The following PRR14L variants were observed in gnomAD, a reference collection of about 807,000 sequenced individuals.
PRR14L encodes protein PRR14L.
A neutral mutation model predicts 155.0 loss-of-function variants in PRR14L; 80 were observed. The observed-to-expected ratio is 0.52, with a 90% CI of 0.43 to 0.62. The LOEUF is 0.62. Ranked by LOEUF, PRR14L falls within the 20% of genes least tolerant of loss-of-function variation. The pLI, the probability that PRR14L is intolerant of heterozygous loss-of-function variation, is 0.00. For synonymous variants in PRR14L, 883 were observed against 916.0 expected (o/e 0.96, Z 0.65); for missense variants, 2,469 against 2,548.0 (o/e 0.97, Z 0.67).
intron 1 of PRR14L, among the ~76,000 whole-genome samples, chr22:31,745,430 C>T (rs2074832595): frequency 6.6e-6 from 1 of 152,134 alleles, no homozygotes; most frequent in Non-Finnish European, 1.5e-5. Flanking sequence ...CAGTAGCTCA[C>T]ACCATCTATC....
At chr22:31,743,693 T>C (rs898730630) in intron 1 of PRR14L, among the ~76,000 whole-genome samples, 2 of 151,624 alleles carry the variant, frequency 1.3e-5, no homozygotes, top group African/African-American at 2.4e-5. Context: ...TCCCAGCTAC[T>C]TGGGAGGCTG....
intron 1 of PRR14L, among the ~76,000 whole-genome samples, chr22:31,748,682 T>C (rs566187071): frequency 9.8e-4 from 150 of 152,304 alleles, no homozygotes; most frequent in African/African-American, 3.5e-3. Flanking sequence ...GGAAGATTTT[T>C]TGTCACTACA....
intron 2 of PRR14L, 47 bp from the exon 3 acceptor site, chr22:31,725,657 A>G (rs1352896580): frequency 1.9e-6 from 2 of 1,065,908 alleles, no homozygotes; most frequent in Admixed American, 4.6e-5. Context: ...GAAGATTCTG[A>G]GTTAATGAAT....
chr22:31,739,915 T>A (rs2074803372), intron 1 of PRR14L, among the ~76,000 whole-genome samples: 1 of 152,100 alleles, frequency 6.6e-6, no homozygotes, highest in Admixed American at 6.6e-5. Context: ...AAACATGCAG[T>A]TTCCACAACA....
rs1284892070 is a variant in PRR14L at position 31,684,402 on chromosome 22, A to C, written c.*1125T>G. ...TGAAGCGGGCTGCCTGGAAAGCCAC[A>C]AATACTGTGGGTCAGCCTGTATCAC... On this transcript the variant is annotated 3_prime_UTR_variant, in exon 9 of 9. Transcript: ENST00000327423. 6.6e-6 allele frequency: 1 copy of C among 152,242 alleles called. No homozygotes were observed. The highest frequency in any genetic ancestry group is 1.9e-4 in the East Asian group (1 of 5,202). 9.4% of individuals were successfully genotyped at this position (152,242 alleles called of 1,614,324 possible). A position where few individuals can be genotyped will look rare whatever the true frequency, so the allele number is the denominator to read the frequency against.
chr22:31,733,907 CA>C (rs1484448398), intron 2 of PRR14L, among the ~76,000 whole-genome samples: 1 of 150,496 alleles, frequency 6.6e-6, no homozygotes, highest in African/African-American at 2.4e-5. Context: ...ACCACCACCA[CA>C]CACACACACA....
chr22:31,701,710 G>T lies in PRR14L; in HGVS notation c.6053C>A (p.Thr2018Asn). ...AAGATTAGGATCTGGCCTAGGAATG[G>T]TTTTCCGGATGCGAATCTGTGAGAC... is the stretch of plus-strand genomic sequence containing the variant. ...KKVSQIRIRKTIPRPDPNLTP... is the reference protein window; with the variant it reads ...KKVSQIRIRKNIPRPDPNLTP... The change falls in exon 7 of 9, where the codon ACC (threonine) becomes AAC (asparagine). Residue 2018 changes from threonine to asparagine, a missense_variant. This residue lies in a region of PRR14L where 106 missense variants were observed against 176.4 expected (regional missense o/e 0.60). Transcript: ENST00000327423. 5 of 1,614,170 alleles carry T rather than the reference G, an allele frequency of 3.1e-6. No homozygotes were observed. Among genetic ancestry groups the T allele is most frequent in the Non-Finnish European group, 4.2e-6 (5 of 1,180,006 alleles).
chr22:31,728,327 C>T (rs140207667), intron 2 of PRR14L, among the ~76,000 whole-genome samples: 190 of 151,954 alleles, frequency 1.3e-3, no homozygotes, highest in African/African-American at 4.4e-3. Flanking sequence ...GTTAAGAGTC[C>T]TAGGGCCGGG....
In PRR14L at chr22:31,716,242, T is replaced by C; in HGVS notation, c.1597A>G (p.Ser533Gly). ...CAGTCTTTAGTGTAAAAAGATTTACTTAATATATTGGGCTCTACAGGGGTT... is the reference window on the plus strand; with the variant it reads ...CAGTCTTTAGTGTAAAAAGATTTACCTAATATATTGGGCTCTACAGGGGTT... ...QTTPVEPNIL[S>G]KSFYTKDCNS... is the part of the protein sequence containing the mutation. The change falls in exon 4 of 9, where the codon AGT (serine) becomes GGT (glycine). Residue 533 changes from serine to glycine, a missense_variant. Physicochemically the swap from Ser to Gly is moderately conservative, Grantham distance 56. Transcript: ENST00000327423. 6.4e-7 allele frequency: 1 copy of C among 1,551,574 alleles called. No homozygotes were observed. The highest frequency in any genetic ancestry group is 1.2e-5 in the South Asian group (1 of 84,058).
intron 1 of PRR14L, among the ~76,000 whole-genome samples, chr22:31,742,144 G>C (rs1352325703): frequency 2.0e-5 from 3 of 152,256 alleles, no homozygotes; most frequent in South Asian, 2.1e-4. Flanking sequence ...AGCACATACA[G>C]ATTTGAAGAG....
intron 1 of PRR14L, among the ~76,000 whole-genome samples, chr22:31,740,683 T>A (rs2074808009): frequency 6.6e-6 from 1 of 152,132 alleles, no homozygotes; most frequent in Non-Finnish European, 1.5e-5. Context: ...CTTGATGCTT[T>A]CCCTAACCCT....
rs900966130 is a variant in PRR14L at position 31,718,252 on chromosome 22, T to G, written c.548-961A>C. On this transcript the variant is annotated intron_variant, in intron 3 of 8. Transcript: ENST00000327423. ...CCGCCCAGCTAATTTTTTGGGGGGG[T>G]TTTTGTTTTTGTTTTTGTTTTGAGA... 4.2e-3 allele frequency among the ~76,000 whole-genome samples: 546 copies of G among 129,874 alleles called. 7 individuals carry two copies. The highest frequency in any genetic ancestry group is 0.015 in the African/African-American group (506 of 33,724). The allele number at this position is 129,874 out of a possible 152,430, so 85.2% of individuals were successfully genotyped here.
chr22:31,682,564 G>T lies in PRR14L; in HGVS notation c.*2963C>A. On this transcript the variant is annotated 3_prime_UTR_variant, in exon 9 of 9. Coordinates refer to ENST00000327423, the MANE Select transcript of PRR14L (RefSeq NM_173566.3). The stretch of plus-strand genomic sequence containing the variant: ...AAGAGGAGGGAACGCGGAGGGAGAA[G>T]GCAAACACAGCTAGAAACTGAAAGA... 1 of 152,034 alleles carries T rather than the reference G, an allele frequency of 6.6e-6. No individual in the cohort carries two copies. 9.4% of individuals were successfully genotyped at this position (152,034 alleles called of 1,614,324 possible).
intron 2 of PRR14L, among the ~76,000 whole-genome samples, chr22:31,732,738 AGCAACTCTGAAAACCT>A (rs1306417488): frequency 6.6e-6 from 1 of 152,130 alleles, no homozygotes; most frequent in Non-Finnish European, 1.5e-5. Flanking sequence ...TGTGAGTTTC[AGCAACTCTGAAAACCT>A]GCTGGTTTTG....
At position 31,701,963 on chromosome 22, in the gene PRR14L, G is replaced by A. The variant is rs190054827; in HGVS notation, c.6001-201C>T. ...GCTGGGGTTACAAGTATAAGCCACC[G>A]TAACTGGGAATTTTTATTTTTAGAT... is the stretch of plus-strand genomic sequence containing the variant. On this transcript the variant is annotated intron_variant, in intron 6 of 8. Transcript: ENST00000327423. 2.1e-3 allele frequency among the ~76,000 whole-genome samples: 326 copies of A among 152,178 alleles called. 2 individuals are homozygous for A. The highest frequency in any genetic ancestry group is 7.6e-3 in the African/African-American group (314 of 41,540).
intron 2 of PRR14L, among the ~76,000 whole-genome samples, chr22:31,725,857 C>G (rs186142848): frequency 6.6e-6 from 1 of 152,108 alleles, no homozygotes; most frequent in East Asian, 1.9e-4. Flanking sequence ...CTACTACAGA[C>G]AGCGTTTCAC....
rs192243748 is a variant in PRR14L at position 31,683,966 on chromosome 22, G to C, written c.*1561C>G. ...TCCCATCGGCGGCTGCTCCATGCCA[G>C]TGGCTCCCAGGAGGATATGAAGAGG... On this transcript the variant is annotated 3_prime_UTR_variant, in exon 9 of 9. Transcript: ENST00000327423. The C allele has an allele frequency of 1.8e-3, 276 of 152,442 alleles. No individual in the cohort carries two copies. Among genetic ancestry groups the C allele is most frequent in the Admixed American group, 3.3e-3 (50 of 15,296 alleles). 9.4% of individuals were successfully genotyped at this position (152,442 alleles called of 1,614,324 possible).
Position 31,716,846 on chromosome 22 carries a change from T to G in PRR14L, c.993A>C (p.Thr331=). 1 of 1,551,962 alleles carries G rather than the reference T, an allele frequency of 6.4e-7. No homozygotes were observed. The highest frequency in any genetic ancestry group is 8.7e-7 in the Non-Finnish European group (1 of 1,147,032). ...EQPSSTHDSP[T]ATSPLKENSE... ...AATTTTCTTTCAAAGGGCTTGTGGC[T>G]GTGGGACTATCATGTGTAGAACTGG... The change falls in exon 4 of 9, where the codon ACA becomes ACC. Residue 331 remains threonine, a synonymous_variant. Transcript: ENST00000327423.
At chr22:31,697,759 A>G (rs1474848545) in intron 7 of PRR14L, among the ~76,000 whole-genome samples, 1 of 152,072 alleles carries the variant, frequency 6.6e-6, no homozygotes, top group Non-Finnish European at 1.5e-5. Flanking sequence ...CCAGCTACTC[A>G]TGAGGCTGAG....
Sources: allele counts gnomAD v4.1 joint callset (sites outside exome capture counted in the v4.1 genomes callset), GRCh38; gene constraint gnomAD v4.1.1; regional missense constraint gnomAD v4.1.1; transcripts MANE v1.5; gene names NCBI Gene and HGNC (gene_info 2026-07-23, HGNC 2026-07-21).